ZC3H12B: variants seen among roughly 807,000 people sequenced by gnomAD.
ZC3H12B encodes probable ribonuclease ZC3H12B.
A neutral mutation model predicts 43.9 loss-of-function variants in ZC3H12B; 7 were observed. The observed-to-expected ratio is 0.16, with a 90% CI of 0.09 to 0.30. The LOEUF is 0.30. ZC3H12B is among the 10% of genes least tolerant of loss of function. The pLI is 1.00. For synonymous variants in ZC3H12B, 222 were observed against 241.7 expected (o/e 0.92, Z 0.76); for missense variants, 475 against 670.2 (o/e 0.71, Z 3.22).
intron 2 of ZC3H12B, among the ~76,000 whole-genome samples, chrX:65,383,512 C>T (rs138328026): frequency 0.14 from 15,955 of 111,175 alleles, 2,741 homozygotes; most frequent in African/African-American, 0.49. Context: ...AGAAGTAAAC[C>T]TAGGCATTAC....
chrX:65,400,117 G>A (rs2066746257), intron 3 of ZC3H12B, among the ~76,000 whole-genome samples: 1 of 110,724 alleles, frequency 9.0e-6, no homozygotes, highest in South Asian at 3.8e-4. Context: ...TATTTGCTAG[G>A]ACAACAGGGT....
chrX:65,149,855 C>A, the ZC3H12B span, among the ~76,000 whole-genome samples: 1 of 107,075 alleles, frequency 9.3e-6, no homozygotes, highest in African/African-American at 3.4e-5. Context: ...CAGTAACTAC[C>A]CTTGTATAAT....
At chrX:65,417,238 A>G (rs1167623076) in intron 3 of ZC3H12B, among the ~76,000 whole-genome samples, 1 of 111,469 alleles carries the variant, frequency 9.0e-6, no homozygotes, top group Non-Finnish European at 1.9e-5. Context: ...AGAACTTTAT[A>G]TAGTAGGTAT....
At chrX:65,080,864 A>G in the ZC3H12B span, among the ~76,000 whole-genome samples, 1 of 111,839 alleles carries the variant, frequency 8.9e-6, no homozygotes, top group Non-Finnish European at 1.9e-5. Context: ...TAAACTACTC[A>G]TATCTTAAGT....
intron 3 of ZC3H12B, among the ~76,000 whole-genome samples, chrX:65,465,794 G>A (rs1035608428): frequency 1.8e-5 from 2 of 109,566 alleles, no homozygotes; most frequent in South Asian, 7.6e-4. Context: ...TATTCTGCAG[G>A]TTATATTAAC....
intron 2 of ZC3H12B, among the ~76,000 whole-genome samples, chrX:65,390,868 C>A (rs945865479): frequency 8.9e-6 from 1 of 111,877 alleles, no homozygotes; most frequent in Non-Finnish European, 1.9e-5. Context: ...GAAATAATAT[C>A]AAGCATCTTC....
At chrX:65,265,693 G>A in the ZC3H12B span, among the ~76,000 whole-genome samples, 12 of 111,855 alleles carry the variant, frequency 1.1e-4, no homozygotes, top group Non-Finnish European at 1.9e-4. Context: ...AAGATATTAA[G>A]TGAGCACATC....
At chrX:65,498,532 A>G (rs2068323156) in intron 2 of ZC3H12B, among the ~76,000 whole-genome samples, 1 of 112,042 alleles carries the variant, frequency 8.9e-6, no homozygotes, top group Admixed American at 9.5e-5. Flanking sequence ...CTCAGTTGCT[A>G]TATCTTGATG....
chrX:65,056,888 A>G, the ZC3H12B span, among the ~76,000 whole-genome samples: 1 of 111,480 alleles, frequency 9.0e-6, no homozygotes, highest in Non-Finnish European at 1.9e-5. Context: ...AGTCTGTTTT[A>G]TCAGAGACTA....
chrX:65,359,074 C>A, the ZC3H12B span, among the ~76,000 whole-genome samples: 1 of 111,052 alleles, frequency 9.0e-6, no homozygotes, highest in East Asian at 2.8e-4. Flanking sequence ...ATGGAACAAC[C>A]AAGTCCATAT....
chrX:65,096,609 CA>C, the ZC3H12B span, among the ~76,000 whole-genome samples: 4 of 110,788 alleles, frequency 3.6e-5, no homozygotes, highest in African/African-American at 6.6e-5. Flanking sequence ...AACTGAAAAG[CA>C]AAAAGAAGAA....
At chrX:65,057,038 C>T in the ZC3H12B span, among the ~76,000 whole-genome samples, 1 of 111,871 alleles carries the variant, frequency 8.9e-6, no homozygotes, top group Non-Finnish European at 1.9e-5. Flanking sequence ...GACTCTTTAT[C>T]CAATTTGCCA....
the ZC3H12B span, among the ~76,000 whole-genome samples, chrX:65,120,817 C>A: frequency 9.0e-6 from 1 of 111,224 alleles, no homozygotes; most frequent in Non-Finnish European, 1.9e-5. Context: ...TTTTGAGATA[C>A]GTCTCATCAA....
chrX:65,427,150 G>A (rs1026362289), intron 3 of ZC3H12B, among the ~76,000 whole-genome samples: 2 of 111,485 alleles, frequency 1.8e-5, no homozygotes, highest in Admixed American at 9.5e-5. Flanking sequence ...TCCATATTGG[G>A]TGCATATATA....
the ZC3H12B span, among the ~76,000 whole-genome samples, chrX:65,209,341 C>G: frequency 1.4e-5 from 1 of 71,816 alleles, no homozygotes; most frequent in Admixed American, 1.8e-4. Flanking sequence ...CCTCTACACA[C>G]TGCTTTGAAT....
At chrX:65,316,361 T>A in the ZC3H12B span, among the ~76,000 whole-genome samples, 1 of 111,748 alleles carries the variant, frequency 8.9e-6, no homozygotes, top group Non-Finnish European at 1.9e-5. Flanking sequence ...CATCGGATTC[T>A]GCAAAGTTGA....
chrX:65,143,315 T>A, the ZC3H12B span, among the ~76,000 whole-genome samples: 1 of 111,291 alleles, frequency 9.0e-6, no homozygotes, highest in Admixed American at 9.6e-5. Context: ...TTCAGTATGA[T>A]CTTGGCTGTG....
chrX:65,354,853 A>G, the ZC3H12B span, among the ~76,000 whole-genome samples: 5 of 112,285 alleles, frequency 4.5e-5, no homozygotes, highest in Non-Finnish European at 7.5e-5. Flanking sequence ...AAGTGGAAGA[A>G]AGGATATCAG....
chrX:65,421,528 CACAA>C (rs753281313), intron 3 of ZC3H12B, among the ~76,000 whole-genome samples: 71 of 112,260 alleles, frequency 6.3e-4, no homozygotes, highest in South Asian at 1.1e-3. Context: ...CTGGAATAAT[CACAA>C]ACAGATTTGC....
Sources: gnomAD v4.1 joint callset for allele counts (sites outside exome capture counted in the v4.1 genomes callset) on GRCh38, gnomAD v4.1.1 for gene constraint, MANE v1.5 for transcripts, NCBI Gene and HGNC (gene_info 2026-07-23, HGNC 2026-07-21) for gene names.